The following GALNT1 variants were observed in gnomAD, a reference collection of about 807,000 sequenced individuals.
GALNT1 encodes polypeptide N-acetylgalactosaminyltransferase 1, also known as GalNAc transferase 1.
A neutral mutation model predicts 65.7 loss-of-function variants in GALNT1; 17 were observed. The ratio of observed to expected loss-of-function variants is 0.26; its 90% CI spans 0.18 to 0.39. The LOEUF (loss-of-function observed/expected upper bound fraction) is 0.39. Among genes scored for constraint, GALNT1 ranks in the 10% least tolerant of loss-of-function variants. The pLI is 1.00. For synonymous variants in GALNT1, 210 were observed against 219.7 expected (o/e 0.96, Z 0.39); for missense variants, 460 against 672.8 (o/e 0.68, Z 3.50).
At chr18:35,622,180 C>G (rs2046861013) in intron 1 of GALNT1, among the ~76,000 whole-genome samples, 1 of 152,072 alleles carries the variant, frequency 6.6e-6, no homozygotes, top group African/African-American at 2.4e-5. Context: ...AATCCTTCCA[C>G]ACATAAAGAT....
At chr18:35,707,559 T>C (rs1477717941) in intron 11 of GALNT1, among the ~76,000 whole-genome samples, 3 of 152,222 alleles carry the variant, frequency 2.0e-5, no homozygotes, top group Admixed American at 6.5e-5. Flanking sequence ...TTCCAAGTTA[T>C]GGGGATTCTG....
intron 1 of GALNT1, among the ~76,000 whole-genome samples, chr18:35,601,353 C>G (rs1289023853): frequency 6.6e-6 from 1 of 151,932 alleles, no homozygotes; most frequent in Admixed American, 6.6e-5. Flanking sequence ...TTTTCTTAGT[C>G]TACCTAAGGG....
intron 7 of GALNT1, among the ~76,000 whole-genome samples, chr18:35,690,532 T>C (rs899852171): frequency 2.6e-5 from 4 of 152,216 alleles, no homozygotes; most frequent in African/African-American, 9.6e-5. Context: ...AATTTGAATT[T>C]ATGATTCTCT....
intron 1 of GALNT1, among the ~76,000 whole-genome samples, chr18:35,651,036 G>T (rs1408674610): frequency 6.6e-6 from 1 of 152,110 alleles, no homozygotes; most frequent in Non-Finnish European, 1.5e-5. Flanking sequence ...ATTAATTTGG[G>T]GAACTAATAA....
intron 9 of GALNT1, among the ~76,000 whole-genome samples, chr18:35,692,523 C>T (rs942122787): frequency 1.3e-5 from 2 of 151,938 alleles, no homozygotes; most frequent in Non-Finnish European, 2.9e-5. Context: ...AAGTTGATTT[C>T]CACTGAGTTG....
intron 7 of GALNT1, among the ~76,000 whole-genome samples, chr18:35,689,828 T>C (rs1301180249): frequency 6.6e-6 from 1 of 152,202 alleles, no homozygotes; most frequent in Non-Finnish European, 1.5e-5. Flanking sequence ...AATCAACATA[T>C]CGTTTAAATG....
intron 3 of GALNT1, among the ~76,000 whole-genome samples, chr18:35,676,470 G>T (rs1392555368): frequency 6.6e-6 from 1 of 152,020 alleles, no homozygotes; most frequent in Non-Finnish European, 1.5e-5. Flanking sequence ...TCTTCCAACT[G>T]CCAACTGGCA....
intron 1 of GALNT1, among the ~76,000 whole-genome samples, chr18:35,622,815 T>G (rs1260607652): frequency 6.6e-6 from 1 of 152,176 alleles, no homozygotes; most frequent in African/African-American, 2.4e-5. Context: ...TTTCCCAACT[T>G]TAACAGTAAG....
chr18:35,677,274 A>G (rs569730184), intron 3 of GALNT1, among the ~76,000 whole-genome samples: 8 of 152,348 alleles, frequency 5.3e-5, no homozygotes, highest in African/African-American at 1.7e-4. Context: ...TTTGAAATAC[A>G]TTCAGTTTTG....
intron 1 of GALNT1, among the ~76,000 whole-genome samples, chr18:35,603,379 G>A (rs2046605570): frequency 2.0e-5 from 3 of 152,116 alleles, no homozygotes; most frequent in Admixed American, 2.0e-4. Flanking sequence ...TGTGGCCCTG[G>A]AGATCTTACT....
intron 1 of GALNT1, among the ~76,000 whole-genome samples, chr18:35,625,747 C>A (rs2046908846): frequency 1.3e-5 from 2 of 152,110 alleles, no homozygotes; most frequent in Admixed American, 1.3e-4. Flanking sequence ...GAAACTGCTC[C>A]CCTGGTAGGC....
chr18:35,688,362 T>C (rs1183063595), intron 6 of GALNT1, among the ~76,000 whole-genome samples: 2 of 152,204 alleles, frequency 1.3e-5, no homozygotes, highest in African/African-American at 4.8e-5. Context: ...ATAATCTTCG[T>C]GGTATCTTTG....
At chr18:35,644,080 T>C (rs2047199677) in intron 1 of GALNT1, among the ~76,000 whole-genome samples, 2 of 152,152 alleles carry the variant, frequency 1.3e-5, no homozygotes, top group South Asian at 2.1e-4. Context: ...CCAATAAATT[T>C]TATAGGAGTT....
intron 8 of GALNT1, among the ~76,000 whole-genome samples, chr18:35,691,742 AGCT>A (rs1179592741): frequency 6.6e-6 from 1 of 152,194 alleles, no homozygotes; most frequent in African/African-American, 2.4e-5. Flanking sequence ...TTGTTCCATC[AGCT>A]ATAAGTCGGC....
chr18:35,619,357 A>G (rs1446886926), intron 1 of GALNT1, among the ~76,000 whole-genome samples: 1 of 152,218 alleles, frequency 6.6e-6, no homozygotes, highest in Non-Finnish European at 1.5e-5. Flanking sequence ...GTAACATCAG[A>G]CAGTGTATTA....
chr18:35,639,026 A>T (rs1196647892), intron 1 of GALNT1, among the ~76,000 whole-genome samples: 1 of 152,220 alleles, frequency 6.6e-6, no homozygotes, highest in African/African-American at 2.4e-5. Flanking sequence ...CCTTGTGAGG[A>T]TGCTATGAAC....
chr18:35,636,998 T>G (rs962061395), intron 1 of GALNT1, among the ~76,000 whole-genome samples: 1 of 152,092 alleles, frequency 6.6e-6, no homozygotes, highest in Non-Finnish European at 1.5e-5. Flanking sequence ...ATTGTAATCA[T>G]TTTGAGGTAC....
At chr18:35,646,033 A>T (rs1253470576) in intron 1 of GALNT1, among the ~76,000 whole-genome samples, 1 of 152,218 alleles carries the variant, frequency 6.6e-6, no homozygotes, top group Non-Finnish European at 1.5e-5. Flanking sequence ...TCGATAATTT[A>T]TGAAGAAAAG....
chr18:35,670,303 G>GA (rs1321746480), intron 3 of GALNT1, among the ~76,000 whole-genome samples: 3 of 150,976 alleles, frequency 2.0e-5, no homozygotes, highest in South Asian at 2.1e-4. Context: ...CAAAAAAAAA[G>GA]AAAAAAAATA....
Sources: gnomAD v4.1 joint callset for allele counts (sites outside exome capture counted in the v4.1 genomes callset) on GRCh38, gnomAD v4.1.1 for gene constraint, MANE v1.5 for transcripts, NCBI Gene and HGNC (gene_info 2026-07-23, HGNC 2026-07-21) for gene names.